ZNF385D: variants seen among roughly 807,000 people sequenced by gnomAD.
ZNF385D encodes zinc finger protein 659.
ZNF385D carries 15 observed loss-of-function variants against 35.8 expected under a neutral mutation model. That is an observed-to-expected ratio of 0.42 (90% CI 0.28 to 0.64). The LOEUF (loss-of-function observed/expected upper bound fraction) is 0.64, where lower values mean the gene tolerates loss of function less well. Ranked by LOEUF, ZNF385D falls within the 30% of genes least tolerant of loss-of-function variation. The pLI, the probability that ZNF385D is intolerant of heterozygous loss-of-function variation, is 0.23. For synonymous variants in ZNF385D, 212 were observed against 186.8 expected (o/e 1.13, Z -1.10); for missense variants, 474 against 494.6 (o/e 0.96, Z 0.39).
At chr3:21,960,833 T>A (rs113322143) in intron 3 of ZNF385D, among the ~76,000 whole-genome samples, 1 of 152,180 alleles carries the variant, frequency 6.6e-6, no homozygotes, top group African/African-American at 2.4e-5. Context: ...GGCACAGAAA[T>A]AAATACTGTA....
At chr3:22,197,658 C>G (rs1696510365) in intron 2 of ZNF385D, among the ~76,000 whole-genome samples, 1 of 152,058 alleles carries the variant, frequency 6.6e-6, no homozygotes, top group African/African-American at 2.4e-5. Flanking sequence ...ACCATAAACT[C>G]CAGTGTTTTT....
chr3:21,978,694 G>C (rs773164430), intron 3 of ZNF385D, among the ~76,000 whole-genome samples: 1 of 151,858 alleles, frequency 6.6e-6, no homozygotes, highest in African/African-American at 2.4e-5. Context: ...TCTCTAGATA[G>C]CTCATTGTAA....
At chr3:22,087,416 C>T (rs1193878171) in intron 3 of ZNF385D, among the ~76,000 whole-genome samples, 5 of 152,068 alleles carry the variant, frequency 3.3e-5, no homozygotes, top group Admixed American at 3.3e-4. Flanking sequence ...TATGTTCTCC[C>T]CAAAGGGAGT....
intron 3 of ZNF385D, among the ~76,000 whole-genome samples, chr3:22,130,699 G>A (rs527464990): frequency 1.3e-5 from 2 of 152,214 alleles, no homozygotes; most frequent in Admixed American, 6.6e-5. Flanking sequence ...GAGAGGGGCG[G>A]TGTAGACAAT....
intron 2 of ZNF385D, among the ~76,000 whole-genome samples, chr3:22,358,412 T>A (rs879309356): frequency 6.6e-6 from 1 of 151,870 alleles, no homozygotes; most frequent in African/African-American, 2.4e-5. Flanking sequence ...AATGCAACTT[T>A]GTTCAAAAGT....
At chr3:22,115,708 A>C (rs766818570) in intron 3 of ZNF385D, among the ~76,000 whole-genome samples, 120 of 152,046 alleles carry the variant, frequency 7.9e-4, no homozygotes, top group Non-Finnish European at 1.2e-3. Flanking sequence ...CAAAGTGTAA[A>C]ATGTAATGTA....
In ZNF385D at chr3:22,306,230, G is replaced by A. The variant is rs538006785; in HGVS notation, c.106+66220C>T. Among the ~76,000 whole-genome samples, 7 of 152,220 alleles carry A rather than the reference G, an allele frequency of 4.6e-5. No individual in the cohort carries two copies. In the East Asian group the frequency reaches 7.7e-4, roughly 17 times the overall value. On this transcript the variant is annotated intron_variant, in intron 2 of 5. Transcript: ENST00000494108. ...TCATGAGGATGAATTTGACAGCGGTGTCAGGGAGAAGCCTAATCTTCTGGT... is the reference window on the plus strand; with the variant it reads ...TCATGAGGATGAATTTGACAGCGGTATCAGGGAGAAGCCTAATCTTCTGGT...
At chr3:21,959,181 G>T (rs1246330817) in intron 3 of ZNF385D, among the ~76,000 whole-genome samples, 1 of 152,166 alleles carries the variant, frequency 6.6e-6, no homozygotes, top group Non-Finnish European at 1.5e-5. Flanking sequence ...AGCAATGTGA[G>T]AATCTTGTGC....
At chr3:21,701,869 C>T (rs974059779) in intron 1 of ZNF385D, among the ~76,000 whole-genome samples, 1 of 152,194 alleles carries the variant, frequency 6.6e-6, no homozygotes, top group African/African-American at 2.4e-5. Context: ...ATCCAGGTCA[C>T]ACTGATGCAA....
intron 3 of ZNF385D, among the ~76,000 whole-genome samples, chr3:22,059,424 A>T (rs1245294112): frequency 1.3e-5 from 2 of 152,144 alleles, no homozygotes; most frequent in African/African-American, 2.4e-5. Flanking sequence ...TAACATCAAC[A>T]CCAACCTTGT....
At chr3:21,895,106 G>A (rs907551072) in intron 3 of ZNF385D, among the ~76,000 whole-genome samples, 7 of 151,936 alleles carry the variant, frequency 4.6e-5, no homozygotes, top group Admixed American at 3.9e-4. Flanking sequence ...GACATTCCAA[G>A]CAAAGACATG....
intron 3 of ZNF385D, among the ~76,000 whole-genome samples, chr3:21,765,643 CA>C (rs5847134): frequency 5.0e-4 from 74 of 148,650 alleles, no homozygotes; most frequent in Non-Finnish European, 8.9e-4. Flanking sequence ...GCAACAACAA[CA>C]AAAAAAAAAT....
At chr3:22,216,908 A>G (rs1697924319) in intron 2 of ZNF385D, among the ~76,000 whole-genome samples, 1 of 152,154 alleles carries the variant, frequency 6.6e-6, no homozygotes, top group Non-Finnish European at 1.5e-5. Flanking sequence ...TGAAAGTCAT[A>G]TGATGAAGAT....
At chr3:22,025,640 A>G (rs1193799555) in intron 3 of ZNF385D, among the ~76,000 whole-genome samples, 4 of 152,264 alleles carry the variant, frequency 2.6e-5, no homozygotes, top group Middle Eastern at 3.4e-3. Flanking sequence ...TAGCTGAAAT[A>G]TGGATTAAAA....
intron 3 of ZNF385D, among the ~76,000 whole-genome samples, chr3:21,916,959 C>G (rs1700219836): frequency 6.6e-6 from 1 of 152,226 alleles, no homozygotes; most frequent in African/African-American, 2.4e-5. Flanking sequence ...CACACTCCCA[C>G]TGCTGCTGGT....
chr3:22,027,165 A>C (rs2125468254), intron 3 of ZNF385D, among the ~76,000 whole-genome samples: 1 of 152,344 alleles, frequency 6.6e-6, no homozygotes, highest in South Asian at 2.1e-4. Flanking sequence ...GTGAAGGATA[A>C]GTTGCTGCAT....
At chr3:22,130,674 A>G (rs574041001) in intron 3 of ZNF385D, among the ~76,000 whole-genome samples, 1 of 152,192 alleles carries the variant, frequency 6.6e-6, no homozygotes, top group East Asian at 1.9e-4. Context: ...ACCATTTGAC[A>G]CTGCTGGGAG....
At chr3:22,013,584 G>A (rs932906823) in intron 3 of ZNF385D, among the ~76,000 whole-genome samples, 11 of 152,128 alleles carry the variant, frequency 7.2e-5, no homozygotes, top group African/African-American at 2.7e-4. Flanking sequence ...CACTGGTGCA[G>A]GCAGCAGGAT....
intron 2 of ZNF385D, among the ~76,000 whole-genome samples, chr3:21,566,954 G>GTGAT (rs2063169901): frequency 6.6e-6 from 1 of 152,106 alleles, no homozygotes; most frequent in Non-Finnish European, 1.5e-5. Context: ...AGAGTATGTG[G>GTGAT]TGATTTGTGT....
Sources: allele counts gnomAD v4.1 joint callset (sites outside exome capture counted in the v4.1 genomes callset), GRCh38; gene constraint gnomAD v4.1.1; transcripts MANE v1.5; gene names NCBI Gene and HGNC (gene_info 2026-07-23, HGNC 2026-07-21).